The following ADAMTSL1 variants were observed in gnomAD, a reference collection of about 807,000 sequenced individuals.
The protein encoded by ADAMTSL1 is ADAMTS like 1.
Under a neutral mutation model 201.8 loss-of-function variants are expected in ADAMTSL1, and 126 were observed. The observed-to-expected ratio is 0.62, with a 90% CI of 0.54 to 0.72. The LOEUF (loss-of-function observed/expected upper bound fraction) is 0.72, where lower values mean the gene tolerates loss of function less well. Among genes scored for constraint, ADAMTSL1 ranks in the 30% least tolerant of loss-of-function variants. The pLI, the probability that ADAMTSL1 is intolerant of heterozygous loss-of-function variation, is 0.00. For missense variants in ADAMTSL1, 2,679 were observed against 2,277.8 expected, an observed-to-expected ratio of 1.18 and a Z score of -3.59; for synonymous variants, 1,121 against 903.4, an observed-to-expected ratio of 1.24 and a Z score of -4.32.
At chr9:18,718,602 T>C in intron 14 of ADAMTSL1, 1 of 396,306 alleles carries the variant, frequency 2.5e-6, no homozygotes, top group South Asian at 1.9e-5. Context: ...TCCCTCCGGG[T>C]TGCTACTCTC....
At chr9:18,067,493 T>C (rs549467355) in intron 1 of ADAMTSL1, among the ~76,000 whole-genome samples, 12 of 152,350 alleles carry the variant, frequency 7.9e-5, no homozygotes, top group East Asian at 5.8e-4. Context: ...CCATAATCAT[T>C]GTGCTCTTAC....
At chr9:18,148,132 G>A (rs1826735127) in intron 1 of ADAMTSL1, among the ~76,000 whole-genome samples, 1 of 152,028 alleles carries the variant, frequency 6.6e-6, no homozygotes, top group African/African-American at 2.4e-5. Flanking sequence ...ACATAGTAAT[G>A]TGTCTACAAC....
intron 15 of ADAMTSL1, among the ~76,000 whole-genome samples, chr9:18,724,909 C>CTTTTTT (rs11403576): frequency 6.7e-6 from 1 of 148,442 alleles, no homozygotes; most frequent in Non-Finnish European, 1.5e-5. Context: ...AGGATTGAAC[C>CTTTTTT]TTTTTTTTTT....
intron 1 of ADAMTSL1, among the ~76,000 whole-genome samples, chr9:18,020,494 G>C (rs1227653029): frequency 1.3e-5 from 2 of 152,070 alleles, no homozygotes; most frequent in Admixed American, 6.6e-5. Flanking sequence ...TCTGGAAAGA[G>C]ATCTTCCCTT....
At chr9:18,714,403 A>G (rs1832790976) in intron 14 of ADAMTSL1, among the ~76,000 whole-genome samples, 1 of 152,208 alleles carries the variant, frequency 6.6e-6, no homozygotes, top group Admixed American at 6.5e-5. Context: ...ATAAAAAATG[A>G]TAAAGGGGAT....
In ADAMTSL1 at chr9:18,910,235, G is replaced by A. The variant is rs1830526254; in HGVS notation, c.*1687G>A. 6.6e-6 allele frequency: 1 copy of A among 152,104 alleles called. No individual in the cohort carries two copies. The highest frequency in any genetic ancestry group is 1.5e-5 in the Non-Finnish European group (1 of 68,028). 9.4% of individuals were successfully genotyped at this position (152,104 alleles called of 1,614,324 possible). On this transcript the variant is annotated 3_prime_UTR_variant, in exon 29 of 29. Transcript: ENST00000380548. ...TCTTCACCACAAAAACAGGCTCTAA[G>A]AAATCATGTTACTAAAAAATCAGTG... is the stretch of plus-strand genomic sequence containing the variant.
chr9:18,363,762 T>C (rs1183097645), intron 2 of ADAMTSL1, among the ~76,000 whole-genome samples: 1 of 152,140 alleles, frequency 6.6e-6, no homozygotes, highest in Non-Finnish European at 1.5e-5. Flanking sequence ...TTCTAACATG[T>C]TACATCCTCA....
intron 2 of ADAMTSL1, among the ~76,000 whole-genome samples, chr9:18,294,121 A>C (rs553907147): frequency 2.6e-5 from 4 of 152,350 alleles, no homozygotes; most frequent in Non-Finnish European, 4.4e-5. Flanking sequence ...AAATGAACCA[A>C]TATGAATGAA....
At chr9:18,093,968 G>A (rs1050264464) in intron 1 of ADAMTSL1, among the ~76,000 whole-genome samples, 1 of 152,100 alleles carries the variant, frequency 6.6e-6, no homozygotes, top group Admixed American at 6.5e-5. Context: ...CTTGGTAGTT[G>A]GAAAGTAAGA....
intron 1 of ADAMTSL1, among the ~76,000 whole-genome samples, chr9:18,053,116 A>G (rs538798631): frequency 2.1e-4 from 32 of 152,328 alleles, no homozygotes; most frequent in African/African-American, 6.7e-4. Flanking sequence ...CTGTTCTTGC[A>G]CTGCTGTGGG....
chr9:18,081,663 G>A (rs895607407), intron 1 of ADAMTSL1, among the ~76,000 whole-genome samples: 5 of 152,104 alleles, frequency 3.3e-5, no homozygotes, highest in Admixed American at 3.3e-4. Flanking sequence ...TTTAAAATTA[G>A]AAAATGACTT....
At chr9:18,278,848 T>G (rs1587455061) in intron 2 of ADAMTSL1, among the ~76,000 whole-genome samples, 6 of 152,280 alleles carry the variant, frequency 3.9e-5, no homozygotes, top group Admixed American at 3.9e-4. Flanking sequence ...ATTCTTTTTC[T>G]TTCTCTCTTT....
intron 20 of ADAMTSL1, among the ~76,000 whole-genome samples, chr9:18,806,361 G>T (rs573205659): frequency 1.3e-5 from 2 of 152,286 alleles, no homozygotes; most frequent in South Asian, 2.1e-4. Flanking sequence ...ATAGCTAACT[G>T]CAAAAAGGCT....
chr9:18,328,646 A>G (rs1834918716), intron 2 of ADAMTSL1, among the ~76,000 whole-genome samples: 1 of 152,190 alleles, frequency 6.6e-6, no homozygotes, highest in Non-Finnish European at 1.5e-5. Context: ...TAATCCATAC[A>G]CTGTGCCGCA....
Position 18,721,519 on chromosome 9 carries a change from G to T in ADAMTSL1, c.1877-17G>T. ...ACCCACTTTGCACTCTGGCCTGACC[G>T]TGTGATTTGTACACAGGTGTCCAGG... On this transcript the variant is annotated splice_polypyrimidine_tract_variant and intron_variant, in intron 14 of 28. Coordinates refer to ENST00000380548, the MANE Select transcript of ADAMTSL1 (RefSeq NM_001040272.6). 6.2e-7 allele frequency: 1 copy of T among 1,613,104 alleles called. No homozygotes were observed. Among genetic ancestry groups the T allele is most frequent in the South Asian group, 1.1e-5 (1 of 90,958 alleles).
At chr9:18,662,726 A>G (rs1829179968) in intron 9 of ADAMTSL1, among the ~76,000 whole-genome samples, 1 of 152,260 alleles carries the variant, frequency 6.6e-6, no homozygotes. Context: ...CCCTCAGATT[A>G]TCTGCAGGGT....
In ADAMTSL1 at chr9:18,684,698, C is replaced by T; in HGVS notation, c.1490-18C>T. On this transcript the variant is annotated intron_variant, in intron 12 of 28. Transcript: ENST00000380548. ...GTTCTAACCTCTTCTTTTGTATGTG[C>T]ATGCACTGAATTCTCAGAGAAACTT... 6.2e-7 allele frequency: 1 copy of T among 1,610,832 alleles called. No individual in the cohort carries two copies. Among genetic ancestry groups the T allele is most frequent in the Non-Finnish European group, 8.5e-7 (1 of 1,178,742 alleles).
chr9:18,154,621 A>T lies in ADAMTSL1; in HGVS notation c.88-9241A>T, dbSNP rs74332774. ...CATATTATTAATATAAACAAATGACAAAAGAGTAATACATAAATATATTCA... is the reference window on the plus strand; with the variant it reads ...CATATTATTAATATAAACAAATGACTAAAGAGTAATACATAAATATATTCA... On this transcript the variant is annotated intron_variant, in intron 1 of 29. Coordinates refer to the ADAMTSL1 transcript ENST00000680146. Among the ~76,000 whole-genome samples, 223 of 152,220 alleles carry T rather than the reference A, an allele frequency of 1.5e-3. 2 individuals are homozygous for T. Among genetic ancestry groups the T allele is most frequent in the African/African-American group, 5.2e-3 (216 of 41,568 alleles).
intron 1 of ADAMTSL1, among the ~76,000 whole-genome samples, chr9:18,099,341 ATATATATATATATATT>A (rs1824393929): frequency 2.2e-5 from 1 of 45,438 alleles, no homozygotes; most frequent in Admixed American, 2.1e-4. Flanking sequence ...ATATATATAT[ATATATATATATATATT>A]TTTTTTTTTT....
Sources: gnomAD v4.1 joint callset for allele counts (sites outside exome capture counted in the v4.1 genomes callset) on GRCh38, gnomAD v4.1.1 for gene constraint, MANE v1.5 for transcripts, NCBI Gene and HGNC (gene_info 2026-07-23, HGNC 2026-07-21) for gene names.